The following ZDHHC17 variants were observed in gnomAD, a reference collection of about 807,000 sequenced individuals.
The protein encoded by ZDHHC17 is palmitoyltransferase ZDHHC17.
ZDHHC17 carries 40 observed loss-of-function variants against 90.3 expected under a neutral mutation model. That is an observed-to-expected ratio of 0.44 (90% confidence interval 0.34 to 0.58). The LOEUF (loss-of-function observed/expected upper bound fraction) is 0.58, where lower values mean the gene tolerates loss of function less well. ZDHHC17 is among the 20% of genes least tolerant of loss of function. ZDHHC17 has a pLI of 0.01. For missense variants in ZDHHC17, 614 were observed against 780.8 expected (o/e 0.79, Z 2.55); for synonymous variants, 235 against 252.4 (o/e 0.93, Z 0.65).
intron 1 of ZDHHC17, among the ~76,000 whole-genome samples, chr12:76,777,939 G>A (rs532306359): frequency 6.6e-6 from 1 of 152,260 alleles, no homozygotes; most frequent in East Asian, 1.9e-4. Flanking sequence ...GCTGAGGGAG[G>A]GGAGAGAGAA....
At chr12:76,838,251 C>G (rs148064525) in intron 10 of ZDHHC17, among the ~76,000 whole-genome samples, 1 of 152,042 alleles carries the variant, frequency 6.6e-6, no homozygotes, top group African/African-American at 2.4e-5. Flanking sequence ...GCTTTCCATA[C>G]TGGGTTATTT....
rs34292734 is a variant in ZDHHC17, at chr12:76,770,926, CAAA to C, written c.93+6616_93+6618del. On this transcript the variant is annotated intron_variant, in intron 1 of 16. Coordinates refer to ENST00000426126, the MANE Select transcript of ZDHHC17 (RefSeq NM_015336.4). ...CTGGGCAATGAGCAAAACTCCATCT[CAAA>C]AAAAAAAAAAAAAAAAAATGCAGTT... is the stretch of plus-strand genomic sequence containing the variant. Among the ~76,000 whole-genome samples, 223 of 76,164 alleles carry C rather than the reference CAAA, an allele frequency of 2.9e-3. 6 individuals carry two copies. The East Asian group carries it at 0.1, about 35-fold the overall frequency. The allele number at this position is 76,164 out of a possible 152,430, so 50.0% of individuals were successfully genotyped here.
chr12:76,771,066 TA>T (rs1952486435), intron 1 of ZDHHC17, among the ~76,000 whole-genome samples: 1 of 152,166 alleles, frequency 6.6e-6, no homozygotes, highest in Non-Finnish European at 1.5e-5. Context: ...ATTTTATGAA[TA>T]GATTTTATTA....
intron 3 of ZDHHC17, among the ~76,000 whole-genome samples, chr12:76,806,195 A>T (rs1019903013): frequency 1.3e-5 from 2 of 152,196 alleles, no homozygotes; most frequent in African/African-American, 4.8e-5. Flanking sequence ...CCCAGGCTCA[A>T]GCGATCCTCC....
At chr12:76,776,394 C>G (rs924438089) in intron 1 of ZDHHC17, among the ~76,000 whole-genome samples, 1 of 152,142 alleles carries the variant, frequency 6.6e-6, no homozygotes, top group African/African-American at 2.4e-5. Flanking sequence ...ACAAACTTCT[C>G]TCACTCCTCA....
chr12:76,838,821 T>G (rs1953399438), intron 10 of ZDHHC17, among the ~76,000 whole-genome samples: 1 of 152,208 alleles, frequency 6.6e-6, no homozygotes, highest in Non-Finnish European at 1.5e-5. Flanking sequence ...CCATTTCAAT[T>G]ATTTTTCTCC....
At chr12:76,816,295 A>G (rs1417107279) in intron 7 of ZDHHC17, among the ~76,000 whole-genome samples, 11 of 152,010 alleles carry the variant, frequency 7.2e-5, no homozygotes, top group Admixed American at 7.2e-4. Flanking sequence ...TAATCCAGGA[A>G]AAGTTACAAC....
chr12:76,803,290 A>G (rs915259690), intron 2 of ZDHHC17, among the ~76,000 whole-genome samples: 5 of 152,136 alleles, frequency 3.3e-5, no homozygotes, highest in Non-Finnish European at 7.4e-5. Flanking sequence ...TATTTATTAT[A>G]AAATAGGCTT....
chr12:76,810,581 A>T (rs753336426), intron 5 of ZDHHC17, among the ~76,000 whole-genome samples: 1 of 152,160 alleles, frequency 6.6e-6, no homozygotes, highest in Non-Finnish European at 1.5e-5. Flanking sequence ...TTAGAATTTG[A>T]ATACTATTTC....
intron 16 of ZDHHC17, among the ~76,000 whole-genome samples, chr12:76,850,542 G>C (rs1230503686): frequency 6.6e-6 from 1 of 151,986 alleles, no homozygotes; most frequent in Non-Finnish European, 1.5e-5. Context: ...ACATAGTTAA[G>C]ACCTCATCTC....
intron 9 of ZDHHC17, 43 bp from the exon 10 acceptor site, chr12:76,828,347 A>G (rs779061639): frequency 1.9e-5 from 28 of 1,456,836 alleles, no homozygotes; most frequent in Non-Finnish European, 2.0e-5. Flanking sequence ...CATTTTTACA[A>G]TGAAATATAG....
At chr12:76,805,490 T>G in intron 3 of ZDHHC17, 51 bp downstream of exon 3, 1 of 1,344,554 alleles carries the variant, frequency 7.4e-7, no homozygotes, top group Non-Finnish European at 1.0e-6. Flanking sequence ...TTTATGGTTA[T>G]AAAATTAATA....
chr12:76,809,853 G>A lies in ZDHHC17; in HGVS notation c.539G>A (p.Gly180Glu). ...TSIVAYLIAK[G>E]QDVDMMDQNG... ...ATTGTTGCTTATCTCATAGCAAAAG[G>A]ACAGGTAAAAAAAATCTCAGTGGTA... is the stretch of plus-strand genomic sequence containing the variant. The change falls in exon 5 of 17, where the codon GGA becomes GAA. Residue 180 changes from glycine (G) to glutamate (E), a missense_variant. Around this residue, in one of 5 missense-constraint regions of ZDHHC17, gnomAD observed 358 missense variants for 380.4 expected, o/e 0.94. Coordinates refer to ENST00000426126, the MANE Select transcript of ZDHHC17 (RefSeq NM_015336.4). 6.2e-7 allele frequency: 1 copy of A among 1,609,544 alleles called. No individual in the cohort carries two copies. Among genetic ancestry groups the A allele is most frequent in the East Asian group, 2.2e-5 (1 of 44,678 alleles).
intron 1 of ZDHHC17, among the ~76,000 whole-genome samples, chr12:76,788,702 T>A (rs907123602): frequency 7.5e-6 from 1 of 133,540 alleles, no homozygotes; most frequent in African/African-American, 2.8e-5. Flanking sequence ...TTTTTTTTTT[T>A]TTTTTTTTTT....
At chr12:76,827,173 A>G (rs1168400601) in intron 9 of ZDHHC17, 123 bp downstream of exon 9, 2 of 1,125,114 alleles carry the variant, frequency 1.8e-6, no homozygotes, top group African/African-American at 3.3e-5. Flanking sequence ...TAATTTAGAC[A>G]TCTGTATGTG....
intron 14 of ZDHHC17, 39 bp downstream of exon 14, chr12:76,846,718 T>G (rs758153233): frequency 2.0e-6 from 3 of 1,484,696 alleles, no homozygotes; most frequent in Non-Finnish European, 2.8e-6. Flanking sequence ...AAAACAAATT[T>G]CTGCATACTT....
chr12:76,764,358 G>A (rs1438968584), intron 1 of ZDHHC17, 29 bp downstream of exon 1: 3 of 1,545,694 alleles, frequency 1.9e-6, no homozygotes, highest in Admixed American at 1.9e-5. Flanking sequence ...TGGATTCCTT[G>A]CCCTGCGGCC....
At chr12:76,799,877 G>C (rs777383833) in intron 2 of ZDHHC17, among the ~76,000 whole-genome samples, 1 of 152,136 alleles carries the variant, frequency 6.6e-6, no homozygotes, top group African/African-American at 2.4e-5. Flanking sequence ...TTGGATTTTG[G>C]AATATTTGCA....
rs1347253127 is a variant in ZDHHC17 at position 76,764,395 on chromosome 12, C to T, written c.93+66C>T. 5 of 1,467,112 alleles carry T rather than the reference C, an allele frequency of 3.4e-6. No individual in the cohort carries two copies. In the Admixed American group the frequency reaches 8.5e-5, roughly 25 times the overall value. 90.9% of individuals were successfully genotyped at this position (1,467,112 alleles called of 1,614,324 possible). ...TCCAGCCTTTCTTCCCCGGACTCGCCGAGGGCGGCGGCCGACGTGTGTGGG... is the reference window on the plus strand; with the variant it reads ...TCCAGCCTTTCTTCCCCGGACTCGCTGAGGGCGGCGGCCGACGTGTGTGGG... On this transcript the variant is annotated intron_variant, in intron 1 of 16. Transcript: ENST00000426126.
Sources: gnomAD v4.1 joint callset for allele counts (sites outside exome capture counted in the v4.1 genomes callset) on GRCh38, gnomAD v4.1.1 for gene constraint, gnomAD v4.1.1 regional missense constraint, MANE v1.5 for transcripts, NCBI Gene and HGNC (gene_info 2026-07-23, HGNC 2026-07-21) for gene names.